BBS9: variants seen among roughly 807,000 people sequenced by gnomAD.
BBS9 encodes the protein protein PTHB1.
A neutral mutation model predicts 117.7 loss-of-function variants in BBS9; 89 were observed. The ratio of observed to expected loss-of-function variants is 0.76; its 90% CI spans 0.64 to 0.90. The LOEUF is 0.90. Among genes scored for constraint, BBS9 ranks in the 40% least tolerant of loss-of-function variants. The pLI, the probability that BBS9 is intolerant of heterozygous loss-of-function variation, is 0.00. For missense variants in BBS9, 982 were observed against 1,042.2 expected (o/e 0.94, Z 0.80); for synonymous variants, 379 against 370.9 (o/e 1.02, Z -0.25).
At chr7:33,530,293 T>C (rs1331607380) in intron 20 of BBS9, among the ~76,000 whole-genome samples, 1 of 152,236 alleles carries the variant, frequency 6.6e-6, no homozygotes, top group Non-Finnish European at 1.5e-5. Context: ...GCCAAATACC[T>C]AAACATGACA....
At chr7:33,216,394 G>A (rs114744144) in intron 5 of BBS9, among the ~76,000 whole-genome samples, 2 of 152,086 alleles carry the variant, frequency 1.3e-5, no homozygotes, top group Non-Finnish European at 2.9e-5. Flanking sequence ...TTTGTTTTCT[G>A]TTTGCCAAGG....
intron 21 of BBS9, among the ~76,000 whole-genome samples, chr7:33,575,853 C>G (rs1397875889): frequency 6.6e-6 from 1 of 151,818 alleles, no homozygotes; most frequent in Non-Finnish European, 1.5e-5. Context: ...CAAAATTCAA[C>G]AGCCCTTCAT....
chr7:33,235,325 G>A (rs1224291365), intron 5 of BBS9, among the ~76,000 whole-genome samples: 21 of 152,104 alleles, frequency 1.4e-4, no homozygotes, highest in Admixed American at 1.4e-3. Context: ...TCTTGAGCAG[G>A]AGGTGGCAAT....
At chr7:33,604,818 G>A (rs1381056396) in intron 21 of BBS9, 47 bp from the exon 22 acceptor site, 3 of 1,372,852 alleles carry the variant, frequency 2.2e-6, no homozygotes, top group Non-Finnish European at 3.1e-6. Flanking sequence ...TAGAGAGGCA[G>A]ATTTTCTTAC....
intron 20 of BBS9, among the ~76,000 whole-genome samples, chr7:33,528,292 C>G (rs1439529101): frequency 6.6e-6 from 1 of 152,164 alleles, no homozygotes; most frequent in East Asian, 1.9e-4. Context: ...ACTCCTGCCA[C>G]AAAATCTCCA....
chr7:33,450,869 TTTTTTTTG>T lies in BBS9; in HGVS notation c.2116-54566_2116-54559del, dbSNP rs200644662. ...GTTTCCTTTGCTGTTCAGAAGTTTT[TTTTTTTTG>T]TTTTTTTGTTTTTTTGTTTTTTTGT... On this transcript the variant is annotated intron_variant, in intron 19 of 22. Coordinates refer to ENST00000242067, the MANE Select transcript of BBS9 (RefSeq NM_198428.3). 6.9e-3 allele frequency among the ~76,000 whole-genome samples: 1,044 copies of T among 150,992 alleles called. 8 individuals are homozygous for T. Among genetic ancestry groups the T allele is most frequent in the African/African-American group, 0.022 (904 of 41,234 alleles).
intron 9 of BBS9, among the ~76,000 whole-genome samples, chr7:33,329,957 A>G (rs986790306): frequency 2.6e-5 from 4 of 152,026 alleles, no homozygotes; most frequent in Admixed American, 1.3e-4. Flanking sequence ...TCTGTTGGGT[A>G]TAGTATCATT....
At chr7:33,132,193 G>T (rs1789716773) in intron 1 of BBS9, among the ~76,000 whole-genome samples, 1 of 152,154 alleles carries the variant, frequency 6.6e-6, no homozygotes, top group South Asian at 2.1e-4. Flanking sequence ...TACATGGAGG[G>T]GCGTGTGCAT....
At chr7:33,384,951 T>C (rs1444484518) in intron 18 of BBS9, among the ~76,000 whole-genome samples, 6 of 152,090 alleles carry the variant, frequency 3.9e-5, no homozygotes, top group Non-Finnish European at 5.9e-5. Flanking sequence ...TTGGTCAAAT[T>C]GTAGCACCAA....
chr7:33,234,390 A>G (rs565717111), intron 5 of BBS9, among the ~76,000 whole-genome samples: 1 of 152,164 alleles, frequency 6.6e-6, no homozygotes, highest in South Asian at 2.1e-4. Context: ...CAACTTGATG[A>G]TTTGATATAT....
At chr7:33,504,805 T>C (rs1298847811) in intron 19 of BBS9, among the ~76,000 whole-genome samples, 2 of 152,082 alleles carry the variant, frequency 1.3e-5, no homozygotes, top group Non-Finnish European at 2.9e-5. Context: ...CTGCCAATTT[T>C]ATCCTAAGTA....
chr7:33,138,595 G>A lies in BBS9; in HGVS notation c.-11-7647G>A, dbSNP rs187234231. The stretch of plus-strand genomic sequence containing the variant: ...GATTTCAGGAGCTAACGAAGTGGTG[G>A]GTGAATAAGGAAAAATTGATAGAGC... On this transcript the variant is annotated intron_variant, in intron 1 of 22. Coordinates refer to ENST00000242067, the MANE Select transcript of BBS9 (RefSeq NM_198428.3). 1.3e-5 allele frequency among the ~76,000 whole-genome samples: 2 copies of A among 151,148 alleles called. 1 individual carries two copies. Among genetic ancestry groups the A allele is most frequent in the East Asian group, 4.4e-4 (2 of 4,510 alleles).
chr7:33,198,946 G>A (rs1785382304), intron 5 of BBS9, among the ~76,000 whole-genome samples: 1 of 151,956 alleles, frequency 6.6e-6, no homozygotes. Flanking sequence ...GTCTACTGTT[G>A]CTAGTTCTCT....
intron 21 of BBS9, among the ~76,000 whole-genome samples, chr7:33,542,478 C>T (rs28822799): frequency 0.46 from 69,836 of 151,682 alleles, 16,681 homozygotes; most frequent in South Asian, 0.57. Context: ...ATCCCTTGCC[C>T]TCCTCCCACT....
At chr7:33,222,563 C>T (rs1790447296) in intron 5 of BBS9, among the ~76,000 whole-genome samples, 1 of 152,088 alleles carries the variant, frequency 6.6e-6, no homozygotes. Context: ...TTCCAGGTCT[C>T]CCCCGGTTTC....
intron 1 of BBS9, among the ~76,000 whole-genome samples, chr7:33,132,578 A>T (rs1022226089): frequency 6.6e-6 from 1 of 152,238 alleles, no homozygotes; most frequent in Non-Finnish European, 1.5e-5. Context: ...AAACTGAATT[A>T]AAAAAACATT....
chr7:33,173,208 G>A (rs991333602), intron 4 of BBS9, among the ~76,000 whole-genome samples: 8 of 152,116 alleles, frequency 5.3e-5, no homozygotes, highest in African/African-American at 1.9e-4. Context: ...TTGCCTGAGG[G>A]CCTGCCTTTT....
At chr7:33,211,681 A>G (rs1002982347) in intron 5 of BBS9, among the ~76,000 whole-genome samples, 8 of 152,144 alleles carry the variant, frequency 5.3e-5, no homozygotes, top group Admixed American at 1.3e-4. Context: ...ACTATTGCCA[A>G]TGTGTTTTGT....
At chr7:33,237,851 G>C (rs1171053794) in intron 5 of BBS9, among the ~76,000 whole-genome samples, 1 of 152,184 alleles carries the variant, frequency 6.6e-6, no homozygotes, top group Non-Finnish European at 1.5e-5. Flanking sequence ...TGACAATCAA[G>C]ATCAGTAGAA....
Sources: gnomAD v4.1 joint callset for allele counts (sites outside exome capture counted in the v4.1 genomes callset) on GRCh38, gnomAD v4.1.1 for gene constraint, MANE v1.5 for transcripts, NCBI Gene and HGNC (gene_info 2026-07-23, HGNC 2026-07-21) for gene names.